The following DCTN4 variants were observed in gnomAD, a reference collection of about 807,000 sequenced individuals.
DCTN4 encodes the protein dynactin subunit 4.
A neutral mutation model predicts 62.7 loss-of-function variants in DCTN4; 23 were observed. That is an observed-to-expected ratio of 0.37 (90% CI 0.26 to 0.52). The LOEUF (loss-of-function observed/expected upper bound fraction) is 0.52. Ranked by LOEUF, DCTN4 falls within the 20% of genes least tolerant of loss-of-function variation. DCTN4 has a pLI of 0.92. For missense variants in DCTN4, 514 were observed against 580.4 expected (o/e 0.89, Z 1.18); for synonymous variants, 199 against 202.1 (o/e 0.98, Z 0.13).
chr5:150,722,032 T>C (rs1002546791), intron 9 of DCTN4, among the ~76,000 whole-genome samples: 20 of 152,176 alleles, frequency 1.3e-4, no homozygotes, highest in Admixed American at 3.3e-4. Flanking sequence ...TACTATGTTG[T>C]CCAGGCTGGT....
chr5:150,733,488 C>A lies in DCTN4; in HGVS notation c.430-13G>T, dbSNP rs765806710. 2 of 1,597,562 alleles carry A rather than the reference C, an allele frequency of 1.3e-6. No homozygotes were observed. The highest frequency in any genetic ancestry group is 1.7e-6 in the Non-Finnish European group (2 of 1,165,802). On this transcript the variant is annotated splice_polypyrimidine_tract_variant and intron_variant, in intron 4 of 12. Transcript: ENST00000447998. ...TCAATTTGTTCATCTGTAAGAAAATCACAGACTCAGTACACAAAAAAGCTA... is the reference window on the plus strand; with the variant it reads ...TCAATTTGTTCATCTGTAAGAAAATAACAGACTCAGTACACAAAAAAGCTA...
At chr5:150,742,798 A>G (rs777687173) in intron 3 of DCTN4, 1 of 152,982 alleles carries the variant, frequency 6.5e-6, no homozygotes, top group Non-Finnish European at 1.5e-5. Flanking sequence ...CCTTACTTCA[A>G]CAACATTTAC....
chr5:150,747,787 A>T (rs796229576), intron 3 of DCTN4, among the ~76,000 whole-genome samples: 1 of 149,818 alleles, frequency 6.7e-6, no homozygotes, highest in South Asian at 2.2e-4. Context: ...ACAAAAATTA[A>T]TTCAAGATGG....
At chr5:150,729,790 T>C (rs950209470) in intron 8 of DCTN4, among the ~76,000 whole-genome samples, 1 of 152,060 alleles carries the variant, frequency 6.6e-6, no homozygotes, top group Non-Finnish European at 1.5e-5. Context: ...CCCTGCCCAA[T>C]AGTTTTTTAA....
intron 8 of DCTN4, among the ~76,000 whole-genome samples, chr5:150,730,071 C>T (rs181106558): frequency 3.5e-4 from 53 of 152,322 alleles, no homozygotes; most frequent in Non-Finnish European, 2.8e-4. Flanking sequence ...TGCACTATCA[C>T]ATTTCATGTG....
intron 1 of DCTN4, chr5:150,757,790 T>C (rs1752915931): frequency 6.6e-6 from 1 of 152,244 alleles, no homozygotes; most frequent in African/African-American, 2.4e-5. Flanking sequence ...AAATGGCTTA[T>C]AGTATGTGTT....
Position 150,719,707 on chromosome 5 carries a change from G to A in DCTN4, c.963+9C>T. On this transcript the variant is annotated intron_variant, in intron 10 of 12. Coordinates refer to ENST00000447998, the MANE Select transcript of DCTN4 (RefSeq NM_016221.4). ...CCTTTTTCTTCCTGTTAATGAGCAA[G>A]GTACTAACCTTCATGTAGCGAAGGT... The A allele has an allele frequency of 6.3e-7, 1 of 1,594,700 alleles. No individual in the cohort carries two copies. The highest frequency in any genetic ancestry group is 1.1e-5 in the South Asian group (1 of 90,476).
Position 150,733,488 on chromosome 5 carries a change from C to T in DCTN4, c.430-13G>A. ...TCAATTTGTTCATCTGTAAGAAAATCACAGACTCAGTACACAAAAAAGCTA... is the reference window on the plus strand; with the variant it reads ...TCAATTTGTTCATCTGTAAGAAAATTACAGACTCAGTACACAAAAAAGCTA... On this transcript the variant is annotated splice_polypyrimidine_tract_variant and intron_variant, in intron 4 of 12. Transcript: ENST00000447998. 2.5e-6 allele frequency: 4 copies of T among 1,597,680 alleles called. No homozygotes were observed. The highest frequency in any genetic ancestry group is 3.4e-6 in the Non-Finnish European group (4 of 1,165,794).
intron 8 of DCTN4, among the ~76,000 whole-genome samples, chr5:150,726,732 C>G (rs1760158022): frequency 6.6e-6 from 1 of 152,132 alleles, no homozygotes; most frequent in Admixed American, 6.5e-5. Context: ...CTTTGTGATA[C>G]AGTGTGCTGT....
intron 6 of DCTN4, 62 bp from the exon 7 acceptor site, chr5:150,731,218 G>C (rs776776808): frequency 1.9e-5 from 22 of 1,175,404 alleles, no homozygotes; most frequent in Admixed American, 1.4e-4. Flanking sequence ...GGATCCACCT[G>C]ATTATCCTCA....
At chr5:150,719,693 C>A (rs780705640) in intron 10 of DCTN4, 23 bp downstream of exon 10, 1 of 1,569,908 alleles carries the variant, frequency 6.4e-7, no homozygotes, top group South Asian at 1.1e-5. Context: ...CTTTTTCTTC[C>A]TGTTAATGAG....
At chr5:150,720,006 CCA>C (rs139533381) in intron 9 of DCTN4, among the ~76,000 whole-genome samples, 1,683 of 152,162 alleles carry the variant, frequency 0.011, 29 homozygotes, top group African/African-American at 0.037. Context: ...TGCCCAGGCC[CCA>C]GATTAGCATT....
rs535014392 is a variant in DCTN4, at chr5:150,735,716, G to T, written c.430-2241C>A. 2.6e-5 allele frequency among the ~76,000 whole-genome samples: 4 copies of T among 152,160 alleles called. No individual in the cohort carries two copies. In the South Asian group the frequency reaches 8.3e-4, roughly 32 times the overall value. On this transcript the variant is annotated intron_variant, in intron 4 of 12. Transcript: ENST00000447998. ...AGTCTACCCAAATGAGAAGGAACCA[G>T]AAAAACAATTCTGGTAATATGACAA... is the stretch of plus-strand genomic sequence containing the variant.
At position 150,758,880 on chromosome 5, in the gene DCTN4, C is replaced by G. The variant is rs761345132; in HGVS notation, c.114G>C (p.Ser38=). ...TTACCTCGTGAGACACACATTCCAG[C>G]GACCGCAGTTCGCTACAATAGCGGC... ...YFCRYCSELR[S]LECVSHEVDS... is the part of the protein sequence containing the mutation. The change falls in exon 1 of 13, where the codon TCG becomes TCC. Residue 38 remains serine, a synonymous_variant. Transcript: ENST00000447998. The G allele has an allele frequency of 2.8e-5, 45 of 1,614,080 alleles. No homozygotes were observed. The highest frequency in any genetic ancestry group is 3.8e-5 in the Non-Finnish European group (45 of 1,180,002).
intron 2 of DCTN4, among the ~76,000 whole-genome samples, chr5:150,755,343 T>A (rs987146748): frequency 5.3e-5 from 8 of 152,162 alleles, no homozygotes; most frequent in African/African-American, 1.4e-4. Flanking sequence ...AATTCTCTAG[T>A]CTTTATGGGC....
chr5:150,758,200 A>G, intron 1 of DCTN4: 1 of 985,600 alleles, frequency 1.0e-6, no homozygotes, highest in Non-Finnish European at 1.2e-6. Context: ...GTGACTTTTT[A>G]CTGGCCGGGG....
Position 150,719,683 on chromosome 5 carries a change from C to A in DCTN4, c.963+33G>T. ...CATGTACACACATCATTGATCAATCCTTTTTCTTCCTGTTAATGAGCAAGG... is the reference window on the plus strand; with the variant it reads ...CATGTACACACATCATTGATCAATCATTTTTCTTCCTGTTAATGAGCAAGG... On this transcript the variant is annotated intron_variant, in intron 10 of 12. Transcript: ENST00000447998. 4 of 1,523,814 alleles carry A rather than the reference C, an allele frequency of 2.6e-6. No homozygotes were observed. The South Asian group carries it at 4.5e-5, about 17-fold the overall frequency. 94.4% of individuals were successfully genotyped at this position (1,523,814 alleles called of 1,614,324 possible).
intron 1 of DCTN4, chr5:150,758,025 A>C: frequency 2.2e-6 from 2 of 927,474 alleles, no homozygotes; most frequent in Non-Finnish European, 2.6e-6. Flanking sequence ...ACATATAGCA[A>C]GTATCGAATA....
chr5:150,755,118 C>T (rs999130414), intron 2 of DCTN4, among the ~76,000 whole-genome samples: 3 of 152,106 alleles, frequency 2.0e-5, no homozygotes, highest in Non-Finnish European at 2.9e-5. Flanking sequence ...ACTGAAAGAG[C>T]TCCCAATGGC....
Sources: allele counts gnomAD v4.1 joint callset (sites outside exome capture counted in the v4.1 genomes callset), GRCh38; gene constraint gnomAD v4.1.1; transcripts MANE v1.5; gene names NCBI Gene and HGNC (gene_info 2026-07-23, HGNC 2026-07-21).